RANBP17: variants seen among roughly 807,000 people sequenced by gnomAD.
RANBP17 encodes ran-binding protein 17.
In RANBP17, 158 loss-of-function variants were observed where a neutral mutation model predicts 141.2. The observed-to-expected ratio is 1.12, with a 90% CI of 0.98 to 1.28. RANBP17 has a LOEUF of 1.28. RANBP17 is among the 50% of genes most tolerant of loss of function. RANBP17 has a pLI of 0.00. For missense variants in RANBP17, 1,438 were observed against 1,290.7 expected, an observed-to-expected ratio of 1.11 and a Z score of -1.75; for synonymous variants, 430 against 450.0, an observed-to-expected ratio of 0.96 and a Z score of 0.56.
chr5:171,089,034 G>T (rs936376925), intron 14 of RANBP17, among the ~76,000 whole-genome samples: 1 of 151,566 alleles, frequency 6.6e-6, no homozygotes, highest in Non-Finnish European at 1.5e-5. Flanking sequence ...AGGAGGAGAG[G>T]TGCTCTGCGT....
chr5:171,273,022 C>G (rs766082824), intron 25 of RANBP17, among the ~76,000 whole-genome samples: 1 of 152,184 alleles, frequency 6.6e-6, no homozygotes, highest in Non-Finnish European at 1.5e-5. Context: ...AGTTGTACAG[C>G]TGTGTTATAA....
At chr5:171,258,838 A>G (rs1266947647) in intron 24 of RANBP17, among the ~76,000 whole-genome samples, 2 of 152,154 alleles carry the variant, frequency 1.3e-5, no homozygotes, top group Non-Finnish European at 2.9e-5. Flanking sequence ...TATGACAAAG[A>G]CCTCCAAAAC....
intron 21 of RANBP17, among the ~76,000 whole-genome samples, chr5:171,215,936 T>A (rs1006647460): frequency 1.3e-5 from 2 of 152,120 alleles, no homozygotes; most frequent in African/African-American, 4.8e-5. Context: ...AATGTTGGCT[T>A]TTGTTGCAAT....
intron 25 of RANBP17, among the ~76,000 whole-genome samples, chr5:171,266,246 AGT>A (rs1477585101): frequency 3.3e-5 from 5 of 152,168 alleles, no homozygotes; most frequent in African/African-American, 1.2e-4. Context: ...CTGGGCTCCT[AGT>A]GTATGCCAGG....
chr5:171,017,764 C>T (rs528547025), intron 14 of RANBP17, among the ~76,000 whole-genome samples: 1 of 152,222 alleles, frequency 6.6e-6, no homozygotes, highest in African/African-American at 2.4e-5. Flanking sequence ...TTAATTAGAT[C>T]CCATTTGTCA....
In RANBP17 at chr5:171,145,741, G is replaced by A. The variant is rs537881971; in HGVS notation, c.1711-24389G>A. 4.6e-5 allele frequency among the ~76,000 whole-genome samples: 7 copies of A among 152,174 alleles called. No individual in the cohort carries two copies. The East Asian group carries it at 7.7e-4, about 17-fold the overall frequency. On this transcript the variant is annotated intron_variant, in intron 14 of 27. Coordinates refer to ENST00000523189, the MANE Select transcript of RANBP17 (RefSeq NM_022897.5). ...AGGCCCAAAGTATATGTCATGTCTC[G>A]TCTCCTGGAAGCCGCATAATGGGAT...
intron 14 of RANBP17, among the ~76,000 whole-genome samples, chr5:171,056,316 G>T (rs1442747387): frequency 1.3e-5 from 2 of 152,048 alleles, no homozygotes; most frequent in African/African-American, 4.8e-5. Context: ...AAGTTCTATA[G>T]CTGACTTATA....
intron 14 of RANBP17, among the ~76,000 whole-genome samples, chr5:171,066,914 A>G (rs551067660): frequency 6.6e-6 from 1 of 152,094 alleles, no homozygotes; most frequent in East Asian, 1.9e-4. Flanking sequence ...AAATGAAAGA[A>G]CCCTACACTG....
chr5:170,876,234 C>T (rs1768167033), intron 1 of RANBP17, among the ~76,000 whole-genome samples: 1 of 152,110 alleles, frequency 6.6e-6, no homozygotes, highest in Admixed American at 6.5e-5. Context: ...TTGCTCTTCC[C>T]TCCTCCCTGT....
intron 9 of RANBP17, among the ~76,000 whole-genome samples, chr5:170,917,168 T>A (rs1327683879): frequency 6.6e-6 from 1 of 152,238 alleles, no homozygotes; most frequent in Non-Finnish European, 1.5e-5. Context: ...TGTATTACAT[T>A]TCTTTGCTTG....
intron 14 of RANBP17, among the ~76,000 whole-genome samples, chr5:171,050,644 G>A (rs538698198): frequency 3.4e-4 from 51 of 152,166 alleles, no homozygotes; most frequent in African/African-American, 1.2e-3. Context: ...GAGTGAGATC[G>A]TGCCACTGCA....
chr5:171,089,650 ATAAT>A (rs1247019315), intron 14 of RANBP17, among the ~76,000 whole-genome samples: 5 of 152,166 alleles, frequency 3.3e-5, no homozygotes, highest in Admixed American at 1.3e-4. Flanking sequence ...GGTGTGGGAT[ATAAT>A]CTCGTGGTGC....
At chr5:171,029,002 C>G (rs1302744928) in intron 14 of RANBP17, 5 of 1,191,442 alleles carry the variant, frequency 4.2e-6, no homozygotes, top group Non-Finnish European at 5.5e-6. Flanking sequence ...GAGGGCAAGT[C>G]AGTCTATATG....
intron 14 of RANBP17, among the ~76,000 whole-genome samples, chr5:171,137,606 CTGTG>C (rs1235455020): frequency 1.6e-5 from 1 of 62,586 alleles, no homozygotes; most frequent in Non-Finnish European, 3.5e-5. Flanking sequence ...GTGTGTGTGT[CTGTG>C]TGTGTGTGTG....
intron 1 of RANBP17, among the ~76,000 whole-genome samples, chr5:170,876,782 G>A (rs1452472525): frequency 6.6e-6 from 1 of 152,176 alleles, no homozygotes; most frequent in Admixed American, 6.5e-5. Context: ...ATATGCACAT[G>A]AGGGAATGTG....
At chr5:170,936,905 C>A (rs1436524641) in intron 12 of RANBP17, among the ~76,000 whole-genome samples, 1 of 152,100 alleles carries the variant, frequency 6.6e-6, no homozygotes, top group African/African-American at 2.4e-5. Context: ...TCCTTATTGA[C>A]CTTTACTCTT....
chr5:170,957,072 AACACACACAC>A (rs58034888), intron 13 of RANBP17, among the ~76,000 whole-genome samples: 13 of 142,902 alleles, frequency 9.1e-5, no homozygotes, highest in East Asian at 2.1e-4. Flanking sequence ...TCTGTCTCAA[AACACACACAC>A]ACACACACAC....
chr5:170,955,829 T>C (rs1446655364), intron 13 of RANBP17, among the ~76,000 whole-genome samples: 2 of 148,668 alleles, frequency 1.3e-5, no homozygotes, highest in African/African-American at 4.9e-5. Context: ...TATATATATA[T>C]ATATATATCT....
Position 171,086,304 on chromosome 5 carries a change from G to A in RANBP17, c.1711-83826G>A, listed in dbSNP as rs1219343625. Among the ~76,000 whole-genome samples the A allele has an allele frequency of 2.9e-4, 44 of 149,326 alleles. 1 individual carries two copies. The highest frequency in any genetic ancestry group is 6.0e-4 in the Admixed American group (9 of 14,952). ...TATATTGAACCAGCCTTGCATCCCA[G>A]GGATGAAGCCCACTTGATCATGGTG... On this transcript the variant is annotated intron_variant, in intron 14 of 27. Transcript: ENST00000523189.
Sources: gnomAD v4.1 joint callset for allele counts (sites outside exome capture counted in the v4.1 genomes callset) on GRCh38, gnomAD v4.1.1 for gene constraint, MANE v1.5 for transcripts, NCBI Gene and HGNC (gene_info 2026-07-23, HGNC 2026-07-21) for gene names.